Variants in LARP4B observed in about 807,000 individuals in gnomAD.
LARP4B encodes the protein La ribonucleoprotein 4B.
A neutral mutation model predicts 89.8 loss-of-function variants in LARP4B; 12 were observed. That is an observed-to-expected ratio of 0.13 (90% CI 0.09 to 0.22). The LOEUF (loss-of-function observed/expected upper bound fraction) is 0.22. LARP4B is among the 10% of genes least tolerant of loss of function. The probability of loss-of-function intolerance (pLI) is 1.00; values close to 1 mark genes in which losing one functional copy is unlikely to be tolerated. For missense variants in LARP4B, 757 were observed against 947.7 expected, an observed-to-expected ratio of 0.80 and a Z score of 2.64; for synonymous variants, 367 against 363.3, an observed-to-expected ratio of 1.01 and a Z score of -0.12.
rs182513377 is a variant in LARP4B, at chr10:822,237, G to A, written c.1485-1392C>T. 9.9e-4 allele frequency among the ~76,000 whole-genome samples: 151 copies of A among 152,342 alleles called. No individual in the cohort carries two copies. Among genetic ancestry groups the A allele is most frequent in the African/African-American group, 3.5e-3 (144 of 41,582 alleles). ...GGGACAGGACTCAACTGGCCCTGGG[G>A]ACCTGGGAGGGGTGTGAGACGGATG... On this transcript the variant is annotated intron_variant, in intron 13 of 17. Coordinates refer to ENST00000316157, the MANE Select transcript of LARP4B (RefSeq NM_015155.3). The surrounding 1 kb of genome is among the most constrained non-coding windows in gnomAD (Gnocchi z 4.6).
the LARP4B span, among the ~76,000 whole-genome samples, chr10:965,104 G>A: frequency 0.02 from 3,025 of 152,314 alleles, 118 homozygotes; most frequent in African/African-American, 0.068. Flanking sequence ...GGTCCTCGCG[G>A]CTCAGCACCC....
chr10:894,823 A>G (rs1429211709), intron 1 of LARP4B, among the ~76,000 whole-genome samples: 1 of 152,230 alleles, frequency 6.6e-6, no homozygotes, highest in African/African-American at 2.4e-5. Context: ...AGCTGATGGT[A>G]GCTAAAGCTA....
chr10:954,848 CG>C, the LARP4B span, among the ~76,000 whole-genome samples: 448 of 24,600 alleles, frequency 0.018, 217 homozygotes, highest in South Asian at 0.04. The surrounding 1 kb of genome is among the most constrained non-coding windows in gnomAD (Gnocchi z 5.0). Context: ...CTCCCATCCA[CG>C]CTTCCCCAGG....
chr10:880,016 C>T (rs538188975), intron 3 of LARP4B, among the ~76,000 whole-genome samples: 6 of 152,022 alleles, frequency 3.9e-5, no homozygotes, highest in Admixed American at 2.0e-4. Flanking sequence ...TCAGGTGATC[C>T]GCCCGCCTCA....
intron 3 of LARP4B, chr10:873,111 C>T (rs1313420922): frequency 1.0e-6 from 1 of 985,292 alleles, no homozygotes; most frequent in East Asian, 1.1e-4. Context: ...CTGTCATTGT[C>T]ACTACTTAGT....
chr10:834,969 G>A (rs982255941), intron 8 of LARP4B, among the ~76,000 whole-genome samples: 2 of 151,900 alleles, frequency 1.3e-5, no homozygotes, highest in African/African-American at 4.8e-5. Flanking sequence ...GAACCTGGGA[G>A]GTGGAGGTTG....
In LARP4B at chr10:814,752, C is replaced by G; in HGVS notation, c.1919G>C (p.Gly640Ala). 2 of 1,593,960 alleles carry G rather than the reference C, an allele frequency of 1.3e-6. No homozygotes were observed. Among genetic ancestry groups the G allele is most frequent in the Non-Finnish European group, 1.7e-6 (2 of 1,169,846 alleles). The change falls in exon 17 of 18, where the codon GGA (glycine) becomes GCA (alanine). Residue 640 changes from glycine to alanine, a missense_variant. By Grantham distance (60) the Gly-to-Ala change is moderately conservative. Around this residue, in one of 5 missense-constraint regions of LARP4B, gnomAD observed 387 missense variants for 423.6 expected, o/e 0.91. Coordinates refer to ENST00000316157, the MANE Select transcript of LARP4B (RefSeq NM_015155.3). The surrounding 1 kb of genome is among the most constrained non-coding windows in gnomAD (Gnocchi z 4.4). ...ATACKSVQVN[G>A]AATELRKPSY... ...GCACGAGGTACGTACCGTGGCGGCTCCGTTCACCTGCACCGATTTACACGC... is the reference window on the plus strand; with the variant it reads ...GCACGAGGTACGTACCGTGGCGGCTGCGTTCACCTGCACCGATTTACACGC...
At chr10:887,312 A>G (rs1459127442) in intron 1 of LARP4B, among the ~76,000 whole-genome samples, 1 of 152,144 alleles carries the variant, frequency 6.6e-6, no homozygotes, top group African/African-American at 2.4e-5. Flanking sequence ...AAAGAAGGGT[A>G]AAACTATATG....
chr10:943,753 G>C, the LARP4B span, among the ~76,000 whole-genome samples: 1 of 152,182 alleles, frequency 6.6e-6, no homozygotes, highest in East Asian at 1.9e-4. Context: ...GAAGGTGCAG[G>C]GGGGCCCAGG....
At chr10:910,469 C>G (rs1311068981) in intron 1 of LARP4B, among the ~76,000 whole-genome samples, 2 of 152,200 alleles carry the variant, frequency 1.3e-5, no homozygotes, top group African/African-American at 4.8e-5. Context: ...TCTCCATCTT[C>G]AGAGGTCTCA....
In LARP4B at chr10:884,457, G is replaced by A; in HGVS notation, c.131C>T (p.Pro44Leu). ...QTTSQTSSIPPLSQVPATKVS... is the reference protein window; with the variant it reads ...QTTSQTSSIPLLSQVPATKVS... ...TCAAAATTGAATTACCTGACTCAAAGGTGGGATGGAACTTGTCTGAGAAGT... is the reference window on the plus strand; with the variant it reads ...TCAAAATTGAATTACCTGACTCAAAAGTGGGATGGAACTTGTCTGAGAAGT... The change falls in exon 3 of 18, where the codon CCT (proline) becomes CTT (leucine). Residue 44 changes from proline (P) to leucine (L), a missense_variant. Transcript: ENST00000316157. 1 of 1,603,768 alleles carries A rather than the reference G, an allele frequency of 6.2e-7. No individual in the cohort carries two copies. Among genetic ancestry groups the A allele is most frequent in the South Asian group, 1.1e-5 (1 of 90,798 alleles).
the LARP4B span, among the ~76,000 whole-genome samples, chr10:938,408 G>A: frequency 3.3e-5 from 5 of 151,880 alleles, no homozygotes; most frequent in South Asian, 2.1e-4. Context: ...CCAACACCAC[G>A]CCCGGCTAAT....
At chr10:945,334 A>C in the LARP4B span, among the ~76,000 whole-genome samples, 8 of 151,146 alleles carry the variant, frequency 5.3e-5, no homozygotes, top group Admixed American at 5.3e-4. Flanking sequence ...CAGTGAACGG[A>C]GATCACACCA....
the LARP4B span, among the ~76,000 whole-genome samples, chr10:977,103 G>T: frequency 2.4e-4 from 36 of 152,280 alleles, no homozygotes; most frequent in Admixed American, 7.8e-4. Context: ...AAATCAGTGA[G>T]TCTACCATAA....
At chr10:905,956 C>T (rs940584818) in intron 1 of LARP4B, among the ~76,000 whole-genome samples, 4 of 152,240 alleles carry the variant, frequency 2.6e-5, no homozygotes, top group Non-Finnish European at 5.9e-5. Flanking sequence ...CTTGGGAATG[C>T]TCTTCTGCAC....
chr10:977,803 C>T, the LARP4B span, among the ~76,000 whole-genome samples: 1 of 152,098 alleles, frequency 6.6e-6, no homozygotes, highest in Non-Finnish European at 1.5e-5. Flanking sequence ...CTTGAGCATC[C>T]ACTGATTTGG....
chr10:891,780 C>T (rs538939086), intron 1 of LARP4B, among the ~76,000 whole-genome samples: 1 of 152,298 alleles, frequency 6.6e-6, no homozygotes, highest in South Asian at 2.1e-4. Flanking sequence ...ACTAATCTGA[C>T]AGTTTTTCAA....
At chr10:861,112 C>A (rs984091207) in intron 5 of LARP4B, among the ~76,000 whole-genome samples, 1 of 152,194 alleles carries the variant, frequency 6.6e-6, no homozygotes, top group South Asian at 2.1e-4. Context: ...GCCGAGATCA[C>A]GCCACTGCAT....
At chr10:848,167 C>T (rs1833872397) in intron 5 of LARP4B, among the ~76,000 whole-genome samples, 2 of 152,088 alleles carry the variant, frequency 1.3e-5, no homozygotes, top group South Asian at 4.1e-4. Context: ...ATGGTTAACC[C>T]TCCCCACCAG....
Sources: allele counts gnomAD v4.1 joint callset (sites outside exome capture counted in the v4.1 genomes callset), GRCh38; gene constraint gnomAD v4.1.1; regional missense constraint gnomAD v4.1.1; non-coding constraint Gnocchi (gnomAD v3.1); transcripts MANE v1.5; gene names NCBI Gene and HGNC (gene_info 2026-07-23, HGNC 2026-07-21).